FAM20A: variants seen among roughly 807,000 people sequenced by gnomAD.
FAM20A encodes pseudokinase FAM20A.
Under a neutral mutation model 52.0 loss-of-function variants are expected in FAM20A, and 42 were observed. The ratio of observed to expected loss-of-function variants is 0.81; its 90% CI spans 0.63 to 1.04. FAM20A has a LOEUF of 1.04. Ranked by LOEUF, FAM20A falls within the 50% of genes least tolerant of loss-of-function variation. The pLI, the probability that FAM20A is intolerant of heterozygous loss-of-function variation, is 0.00. For synonymous variants in FAM20A, 304 were observed against 298.9 expected, an observed-to-expected ratio of 1.02 and a Z score of -0.18; for missense variants, 742 against 712.7, an observed-to-expected ratio of 1.04 and a Z score of -0.47.
At chr17:68,572,472 G>A (rs2087591235) in intron 1 of FAM20A, among the ~76,000 whole-genome samples, 1 of 152,168 alleles carries the variant, frequency 6.6e-6, no homozygotes, top group African/African-American at 2.4e-5. Flanking sequence ...GAGACCATCA[G>A]AGCAGTAACA....
intron 7 of FAM20A, 98 bp from the exon 8 acceptor site, chr17:68,541,056 C>G: frequency 6.5e-7 from 1 of 1,532,782 alleles, no homozygotes; most frequent in Non-Finnish European, 8.8e-7. Context: ...CCCTGCCTCC[C>G]TGATCCTGCC....
chr17:68,550,940 TGGGGCTC>T (rs2086807153), intron 4 of FAM20A: 4 of 584,094 alleles, frequency 6.8e-6, no homozygotes, highest in Non-Finnish European at 1.0e-5. Flanking sequence ...AACCATCTAC[TGGGGCTC>T]TCAATGGGCC....
At chr17:68,576,238 A>C (rs2087764363) in intron 1 of FAM20A, among the ~76,000 whole-genome samples, 1 of 152,174 alleles carries the variant, frequency 6.6e-6, no homozygotes. Flanking sequence ...TTCTGGAGCC[A>C]TGGCTCTCTG....
chr17:68,554,566 C>T (rs568302909), intron 3 of FAM20A, among the ~76,000 whole-genome samples: 5 of 152,324 alleles, frequency 3.3e-5, no homozygotes, highest in Non-Finnish European at 7.3e-5. Context: ...TTTTCCTGGG[C>T]CACGCATTGC....
At position 68,536,992 on chromosome 17, in the gene FAM20A, T is replaced by C. The variant is rs1177852492; in HGVS notation, c.*485A>G. 2.2e-6 allele frequency: 1 copy of C among 454,736 alleles called. No individual in the cohort carries two copies. The highest frequency in any genetic ancestry group is 4.4e-6 in the Non-Finnish European group (1 of 227,234). The allele number at this position is 454,736 out of a possible 1,614,324, so 28.2% of individuals were successfully genotyped here. On this transcript the variant is annotated 3_prime_UTR_variant, in exon 11 of 11. Coordinates refer to ENST00000592554, the MANE Select transcript of FAM20A (RefSeq NM_017565.4). ...AAGTGTGAGGTCTAATTTGAACCTG[T>C]CAGAGTTACTGTTGCCTGCGCTGGC...
chr17:68,546,217 G>T (rs2086558438), intron 4 of FAM20A, among the ~76,000 whole-genome samples: 1 of 144,984 alleles, frequency 6.9e-6, no homozygotes, highest in Non-Finnish European at 1.5e-5. Context: ...ATCTGTTCAA[G>T]TTTGATCATG....
In FAM20A at chr17:68,572,024, A is replaced by ATAT. The variant is rs1568762691; in HGVS notation, c.405-16284_405-16282dup. On this transcript the variant is annotated intron_variant, in intron 1 of 10. Transcript: ENST00000592554. Reference sequence around the variant, plus strand: ...TATATATATATATATATATATATATATATATATATATATATATGTAGCAGG... The same window carrying ATAT: ...TATATATATATATATATATATATATATATTATATATATATATATATGTAGCAGG... Among the ~76,000 whole-genome samples the ATAT allele has an allele frequency of 1.7e-3, 197 of 118,160 alleles. 4 individuals carry two copies. The highest frequency in any genetic ancestry group is 5.7e-3 in the African/African-American group (168 of 29,734). 77.5% of individuals were successfully genotyped at this position (118,160 alleles called of 152,430 possible). A position where few individuals can be genotyped will look rare whatever the true frequency, so the allele number is the denominator to read the frequency against.
intron 1 of FAM20A, among the ~76,000 whole-genome samples, chr17:68,589,052 T>C (rs771464572): frequency 6.6e-6 from 1 of 152,246 alleles, no homozygotes; most frequent in Non-Finnish European, 1.5e-5. Context: ...CTTTGATTTA[T>C]GTTGGCCAAC....
chr17:68,567,263 C>T (rs1293011161), intron 1 of FAM20A, among the ~76,000 whole-genome samples: 4 of 151,964 alleles, frequency 2.6e-5, no homozygotes, highest in African/African-American at 9.7e-5. Context: ...TGTAAACGAA[C>T]AGGCAAAGCT....
chr17:68,581,350 T>TTTTTTC (rs1347976030), intron 1 of FAM20A, among the ~76,000 whole-genome samples: 4 of 92,218 alleles, frequency 4.3e-5, no homozygotes, highest in African/African-American at 1.9e-4. Flanking sequence ...GAAATGCAGT[T>TTTTTTC]TTTCTTTCTT....
At chr17:68,563,302 CT>C (rs2087272366) in intron 1 of FAM20A, among the ~76,000 whole-genome samples, 2 of 150,260 alleles carry the variant, frequency 1.3e-5, no homozygotes, top group African/African-American at 4.9e-5. Context: ...AGGAGAATTG[CT>C]TGAACTCGGG....
intron 1 of FAM20A, among the ~76,000 whole-genome samples, chr17:68,560,841 G>T (rs963487916): frequency 5.3e-5 from 8 of 152,200 alleles, no homozygotes; most frequent in African/African-American, 1.9e-4. Context: ...TGCCAACAGT[G>T]TAGTGACACT....
At chr17:68,568,469 AAAAT>A (rs372359079) in intron 1 of FAM20A, among the ~76,000 whole-genome samples, 6 of 151,122 alleles carry the variant, frequency 4.0e-5, no homozygotes, top group Admixed American at 1.3e-4. Context: ...CTCCATCTCT[AAAAT>A]AAATAAATAA....
intron 1 of FAM20A, among the ~76,000 whole-genome samples, chr17:68,599,301 A>G (rs2143956379): frequency 6.6e-6 from 1 of 152,160 alleles, no homozygotes; most frequent in Middle Eastern, 3.4e-3. Flanking sequence ...GCGATAGTGA[A>G]CTCTGCATGT....
chr17:68,538,030 GA>G (rs1256403541), intron 10 of FAM20A, among the ~76,000 whole-genome samples: 1 of 152,204 alleles, frequency 6.6e-6, no homozygotes, highest in Non-Finnish European at 1.5e-5. Flanking sequence ...AACGCTAAGG[GA>G]ATCAAAACCA....
intron 1 of FAM20A, among the ~76,000 whole-genome samples, chr17:68,590,989 T>C (rs2907385): frequency 0.28 from 43,226 of 151,974 alleles, 6,491 homozygotes; most frequent in Middle Eastern, 0.31. Context: ...ACCTTCTCTG[T>C]CTAGTCCCAA....
chr17:68,565,383 C>CTTTTTTTTTTTTTTTTTTTTT (rs796800181), intron 1 of FAM20A, among the ~76,000 whole-genome samples: 1 of 103,780 alleles, frequency 9.6e-6, no homozygotes, highest in African/African-American at 4.4e-5. Context: ...CCATTACCTC[C>CTTTTTTTTTTTTTTTTTTTTT]TTTTTTTTTT....
intron 3 of FAM20A, among the ~76,000 whole-genome samples, chr17:68,553,194 C>T (rs1303832400): frequency 6.6e-6 from 1 of 152,118 alleles, no homozygotes; most frequent in Non-Finnish European, 1.5e-5. Context: ...AGGGGCTCTT[C>T]CCCCTTTGCA....
chr17:68,543,676 A>G lies in FAM20A; in HGVS notation c.765T>C (p.Ile255=). ...EETPVDFFYF[I]DFQRHNAEIA... is the part of the protein sequence containing the mutation. ...TCTCAGCATTGTGTCTCTGAAAGTC[A>G]ATGAAGTAGAAGAAGTCCACTGGTG... Residue 255 remains isoleucine, a synonymous_variant, in exon 5 of 11, where the codon ATT becomes ATC. Coordinates refer to ENST00000592554, the MANE Select transcript of FAM20A (RefSeq NM_017565.4). The G allele has an allele frequency of 6.2e-7, 1 of 1,614,168 alleles. No individual in the cohort carries two copies. The highest frequency in any genetic ancestry group is 2.2e-5 in the East Asian group (1 of 44,886).
Sources: allele counts gnomAD v4.1 joint callset (sites outside exome capture counted in the v4.1 genomes callset), GRCh38; gene constraint gnomAD v4.1.1; transcripts MANE v1.5; gene names NCBI Gene and HGNC (gene_info 2026-07-23, HGNC 2026-07-21).